The following RAB37 variants were observed in gnomAD, a reference collection of about 807,000 sequenced individuals.
RAB37 encodes the protein RAB37, member RAS oncogene family.
Under a neutral mutation model 33.1 loss-of-function variants are expected in RAB37, and 29 were observed. That is an observed-to-expected ratio of 0.88 (90% CI 0.65 to 1.20). The LOEUF (loss-of-function observed/expected upper bound fraction) is 1.20. RAB37 is among the 50% of genes most tolerant of loss of function. The pLI is 0.00. For missense variants in RAB37, 299 were observed against 301.1 expected (o/e 0.99, Z 0.05); for synonymous variants, 128 against 119.5 (o/e 1.07, Z -0.47).
chr17:74,707,126 T>C (rs2033585384), intron 1 of RAB37, among the ~76,000 whole-genome samples: 1 of 151,940 alleles, frequency 6.6e-6, no homozygotes, highest in African/African-American at 2.4e-5. Context: ...AAAGCAAAAC[T>C]AGACAAATGG....
chr17:74,743,439 T>C (rs1259001462), intron 5 of RAB37, 99 bp downstream of exon 5: 1 of 1,206,956 alleles, frequency 8.3e-7, no homozygotes, highest in Non-Finnish European at 1.2e-6. Flanking sequence ...GGGTGGAGCG[T>C]GGAGTCCTCC....
Position 74,745,507 on chromosome 17 carries a change from G to C in RAB37, c.*96G>C, listed in dbSNP as rs1181974462. On this transcript the variant is annotated 3_prime_UTR_variant, in exon 9 of 9. Coordinates refer to ENST00000392613, the MANE Select transcript of RAB37 (RefSeq NM_001006638.3). The surrounding 1 kb of genome is among the most constrained non-coding windows in gnomAD (Gnocchi z 4.5). ...TTCCAAGAGGCTGAGCCAATGGGGA[G>C]AAAGATGGAGGACTCACTGCACAGC... 1.0e-6 allele frequency: 1 copy of C among 987,386 alleles called. No homozygotes were observed. The highest frequency in any genetic ancestry group is 1.6e-6 in the Non-Finnish European group (1 of 633,452). The allele number at this position is 987,386 out of a possible 1,614,324, so 61.2% of individuals were successfully genotyped here.
At chr17:74,691,356 T>C (rs921457614) in intron 1 of RAB37, among the ~76,000 whole-genome samples, 1 of 152,106 alleles carries the variant, frequency 6.6e-6, no homozygotes, top group African/African-American at 2.4e-5. Flanking sequence ...CCAGTAACCT[T>C]AGATGGGTTT....
At chr17:74,728,368 G>T (rs2034333298) in intron 1 of RAB37, among the ~76,000 whole-genome samples, 2 of 150,172 alleles carry the variant, frequency 1.3e-5, no homozygotes, top group African/African-American at 4.9e-5. Flanking sequence ...TGTGTGTGTA[G>T]ATGTTTTTGT....
intron 1 of RAB37, among the ~76,000 whole-genome samples, chr17:74,708,277 T>C (rs1254163360): frequency 6.6e-6 from 1 of 152,128 alleles, no homozygotes; most frequent in African/African-American, 2.4e-5. Context: ...AAATCCCTTG[T>C]TTAAAACTTC....
At chr17:74,701,492 C>T (rs1333750836) in intron 1 of RAB37, among the ~76,000 whole-genome samples, 1 of 152,204 alleles carries the variant, frequency 6.6e-6, no homozygotes, top group Non-Finnish European at 1.5e-5. Flanking sequence ...TTAACTATTA[C>T]TTATTCAAAG....
At chr17:74,699,154 T>C (rs1383797930) in intron 1 of RAB37, among the ~76,000 whole-genome samples, 1 of 152,128 alleles carries the variant, frequency 6.6e-6, no homozygotes, top group East Asian at 1.9e-4. Context: ...CCTAACCTCA[T>C]GATCCGCCCA....
At position 74,688,614 on chromosome 17, in the gene RAB37, A is replaced by G. The variant is rs146969453; in HGVS notation, c.72+16956A>G. 4.4e-3 allele frequency among the ~76,000 whole-genome samples: 676 copies of G among 152,068 alleles called. 6 individuals are homozygous for G. The highest frequency in any genetic ancestry group is 0.015 in the African/African-American group (631 of 41,536). On this transcript the variant is annotated intron_variant, in intron 1 of 7. Transcript: ENST00000340415. ...ACAAAGGAATTTAAACAGAAAGACT[A>G]TTGACCAATAAAATAAGAGTGTAAA...
chr17:74,694,716 C>T (rs1259857095), intron 1 of RAB37: 3 of 165,752 alleles, frequency 1.8e-5, no homozygotes, highest in Admixed American at 6.0e-5. Context: ...ACACAGATAT[C>T]TTTGGGGGCC....
intron 1 of RAB37, among the ~76,000 whole-genome samples, chr17:74,674,958 G>A (rs373630169): frequency 3.3e-5 from 5 of 152,280 alleles, no homozygotes; most frequent in Admixed American, 6.5e-5. Context: ...AGATATTGTC[G>A]TATGATGAAA....
chr17:74,693,740 C>A (rs547207539), intron 1 of RAB37, among the ~76,000 whole-genome samples: 9 of 152,086 alleles, frequency 5.9e-5, no homozygotes, highest in Non-Finnish European at 1.2e-4. Flanking sequence ...ACCAGCCTGG[C>A]CAACAAGGTA....
chr17:74,703,899 T>A (rs1034007472), intron 1 of RAB37, among the ~76,000 whole-genome samples: 8 of 152,088 alleles, frequency 5.3e-5, no homozygotes, highest in Non-Finnish European at 8.8e-5. Flanking sequence ...TAGGAAGAAA[T>A]ATCATTAAGT....
At position 74,744,021 on chromosome 17, in the gene RAB37, A is replaced by T. The variant is rs2034686903; in HGVS notation, c.367-287A>T. ...AATCTTTAACAGGACACTCCAAGAAATCACTGCTGACAGCCAACTGATTTG... is the reference window on the plus strand; with the variant it reads ...AATCTTTAACAGGACACTCCAAGAATTCACTGCTGACAGCCAACTGATTTG... On this transcript the variant is annotated intron_variant, in intron 5 of 8. Transcript: ENST00000392613. This position sits in a 1 kb window ranked among gnomAD's most constrained non-coding sequence, Gnocchi z 4.2. Among the ~76,000 whole-genome samples the T allele has an allele frequency of 6.6e-6, 1 of 152,102 alleles. No individual in the cohort carries two copies. Among genetic ancestry groups the T allele is most frequent in the South Asian group, 2.1e-4 (1 of 4,828 alleles).
At chr17:74,681,492 G>A (rs1490928350) in intron 1 of RAB37, among the ~76,000 whole-genome samples, 1 of 152,134 alleles carries the variant, frequency 6.6e-6, no homozygotes, top group Non-Finnish European at 1.5e-5. Context: ...AAACTAAGCT[G>A]GATCCCTTCC....
chr17:74,694,574 C>G (rs2032254975), intron 1 of RAB37: 1 of 152,454 alleles, frequency 6.6e-6, no homozygotes, highest in South Asian at 2.1e-4. Flanking sequence ...TTATGAGGAC[C>G]CTTGTGGTGA....
intron 1 of RAB37, chr17:74,695,703 G>A (rs746022072): frequency 6.2e-7 from 1 of 1,613,954 alleles, no homozygotes; most frequent in Non-Finnish European, 8.5e-7. Context: ...CAGCCTCACA[G>A]CAGCCCCCAT....
intron 1 of RAB37, chr17:74,694,784 A>G (rs2032272574): frequency 3.9e-6 from 1 of 253,492 alleles, no homozygotes; most frequent in Non-Finnish European, 7.5e-6. Flanking sequence ...TATTACGATA[A>G]TGGTACTTCA....
intron 1 of RAB37, among the ~76,000 whole-genome samples, chr17:74,684,282 T>C (rs547454385): frequency 1.3e-5 from 2 of 150,648 alleles, no homozygotes; most frequent in East Asian, 3.9e-4. Context: ...TTTTTTTTTT[T>C]AGTAAAGATG....
At chr17:74,696,010 C>T in intron 1 of RAB37, 1 of 1,253,360 alleles carries the variant, frequency 8.0e-7, no homozygotes, top group South Asian at 1.4e-5. Context: ...GGCTCCTGTA[C>T]CCCTCAGCCC....
Sources: allele counts gnomAD v4.1 joint callset (sites outside exome capture counted in the v4.1 genomes callset), GRCh38; gene constraint gnomAD v4.1.1; non-coding constraint Gnocchi (gnomAD v3.1); transcripts MANE v1.5; gene names NCBI Gene and HGNC (gene_info 2026-07-23, HGNC 2026-07-21).